The following RNGTT variants were observed in gnomAD, a reference collection of about 807,000 sequenced individuals.
The protein encoded by RNGTT is mRNA-capping enzyme.
Under a neutral mutation model 79.3 loss-of-function variants are expected in RNGTT, and 33 were observed. That is an observed-to-expected ratio of 0.42 (90% CI 0.32 to 0.56). The LOEUF is 0.56. RNGTT is among the 20% of genes least tolerant of loss of function. RNGTT has a pLI of 0.17. For missense variants in RNGTT, 497 were observed against 739.1 expected (o/e 0.67, Z 3.80); for synonymous variants, 222 against 235.9 (o/e 0.94, Z 0.54).
At chr6:88,733,612 G>T (rs1337887163) in intron 13 of RNGTT, among the ~76,000 whole-genome samples, 1 of 149,024 alleles carries the variant, frequency 6.7e-6, no homozygotes. Context: ...AACAATCACC[G>T]AGCAGGATAA....
At chr6:88,628,808 T>C (rs1772733818) in intron 14 of RNGTT, among the ~76,000 whole-genome samples, 1 of 152,044 alleles carries the variant, frequency 6.6e-6, no homozygotes, top group Non-Finnish European at 1.5e-5. Context: ...TTCAACACAC[T>C]AGAGGAAAAG....
intron 12 of RNGTT, among the ~76,000 whole-genome samples, chr6:88,790,560 A>G (rs1779374747): frequency 6.6e-6 from 1 of 152,222 alleles, no homozygotes. Context: ...ATTGACCTCC[A>G]GACAGGTTAA....
chr6:88,733,350 C>T (rs1777176130), intron 13 of RNGTT, among the ~76,000 whole-genome samples: 1 of 151,514 alleles, frequency 6.6e-6, no homozygotes, highest in Non-Finnish European at 1.5e-5. Context: ...CAGAGAGAGA[C>T]TCTGTCTTCA....
At chr6:88,661,812 T>A (rs1774197242) in intron 14 of RNGTT, among the ~76,000 whole-genome samples, 1 of 152,090 alleles carries the variant, frequency 6.6e-6, no homozygotes, top group South Asian at 2.1e-4. Flanking sequence ...CCTAAATCAT[T>A]CCCTGAAACC....
intron 8 of RNGTT, among the ~76,000 whole-genome samples, chr6:88,878,509 A>G (rs1255906895): frequency 6.6e-6 from 1 of 152,174 alleles, no homozygotes; most frequent in African/African-American, 2.4e-5. Flanking sequence ...CTGGTCCCTC[A>G]GACACCTCCA....
intron 1 of RNGTT, among the ~76,000 whole-genome samples, chr6:88,958,980 G>C (rs901730268): frequency 2.6e-5 from 4 of 152,126 alleles, no homozygotes; most frequent in South Asian, 2.1e-4. Flanking sequence ...CCAATGAGTG[G>C]ATAAAGAAAA....
At chr6:88,696,271 T>C (rs980570390) in intron 13 of RNGTT, among the ~76,000 whole-genome samples, 1 of 152,308 alleles carries the variant, frequency 6.6e-6, no homozygotes, top group South Asian at 2.1e-4. Context: ...GTAATCGTAA[T>C]GACAATTTGT....
intron 1 of RNGTT, among the ~76,000 whole-genome samples, chr6:88,949,821 C>A (rs1406348734): frequency 6.6e-6 from 1 of 152,192 alleles, no homozygotes; most frequent in Non-Finnish European, 1.5e-5. Flanking sequence ...ATGGAAGCTG[C>A]AGCAAATTAT....
intron 11 of RNGTT, among the ~76,000 whole-genome samples, chr6:88,833,610 C>T (rs1264064112): frequency 2.0e-5 from 3 of 152,190 alleles, no homozygotes; most frequent in African/African-American, 4.8e-5. Context: ...AATGTGAATA[C>T]AGTCATGTGA....
At chr6:88,942,614 G>A (rs573763619) in intron 1 of RNGTT, among the ~76,000 whole-genome samples, 53 of 152,032 alleles carry the variant, frequency 3.5e-4, no homozygotes, top group African/African-American at 5.8e-4. Flanking sequence ...CAAGCAATTC[G>A]CCTACCTCGG....
chr6:88,905,136 G>A (rs1355123624), intron 5 of RNGTT, among the ~76,000 whole-genome samples, 181 bp from the exon 6 acceptor site: 2 of 152,076 alleles, frequency 1.3e-5, no homozygotes, highest in Admixed American at 6.5e-5. Flanking sequence ...ATTCTGAAAA[G>A]GTTTTAATAT....
intron 14 of RNGTT, among the ~76,000 whole-genome samples, chr6:88,623,800 C>A (rs2127766585): frequency 6.6e-6 from 1 of 152,088 alleles, no homozygotes; most frequent in Non-Finnish European, 1.5e-5. Context: ...TATTCACAGA[C>A]AACATGATTA....
intron 14 of RNGTT, among the ~76,000 whole-genome samples, chr6:88,634,406 C>T (rs1284269927): frequency 6.6e-6 from 1 of 152,012 alleles, no homozygotes; most frequent in South Asian, 2.1e-4. Flanking sequence ...TAATAATTTT[C>T]CACCAAATCT....
intron 11 of RNGTT, among the ~76,000 whole-genome samples, chr6:88,810,931 A>G (rs1249032555): frequency 6.6e-6 from 1 of 152,226 alleles, no homozygotes; most frequent in Admixed American, 6.5e-5. Context: ...TGAGGACCCA[A>G]TAACAACATA....
At chr6:88,906,719 C>T (rs2127943599) in intron 4 of RNGTT, among the ~76,000 whole-genome samples, 1 of 152,180 alleles carries the variant, frequency 6.6e-6, no homozygotes. Context: ...CTAGAAGATT[C>T]CAAGCATTTT....
chr6:88,732,005 A>C (rs757267961), intron 13 of RNGTT, among the ~76,000 whole-genome samples: 1 of 152,188 alleles, frequency 6.6e-6, no homozygotes, highest in Non-Finnish European at 1.5e-5. Context: ...GAGTCATCAT[A>C]AAGGTCTTCA....
chr6:88,763,204 A>T (rs955144897), intron 13 of RNGTT, among the ~76,000 whole-genome samples: 1 of 150,168 alleles, frequency 6.7e-6, no homozygotes, highest in Non-Finnish European at 1.5e-5. Flanking sequence ...CAGACATCTC[A>T]AAGTGCTGGG....
intron 1 of RNGTT, among the ~76,000 whole-genome samples, chr6:88,949,159 G>GAA: frequency 0.025 from 1,281 of 50,376 alleles, 23 homozygotes; most frequent in East Asian, 0.04. Flanking sequence ...AAAATAAAAT[G>GAA]AAAAAAAAAA....
At chr6:88,839,577 A>G (rs891720196) in intron 11 of RNGTT, among the ~76,000 whole-genome samples, 10 of 152,140 alleles carry the variant, frequency 6.6e-5, no homozygotes, top group Non-Finnish European at 1.5e-4. Flanking sequence ...TTCGAAAAAA[A>G]GAAAAAAAAA....
Sources: allele counts gnomAD v4.1 joint callset (sites outside exome capture counted in the v4.1 genomes callset), GRCh38; gene constraint gnomAD v4.1.1; transcripts MANE v1.5; gene names NCBI Gene and HGNC (gene_info 2026-07-23, HGNC 2026-07-21).